VPS13B: variants seen among roughly 807,000 people sequenced by gnomAD.
VPS13B encodes the protein intermembrane lipid transfer protein VPS13B.
In VPS13B, 285 loss-of-function variants were observed where a neutral mutation model predicts 426.4. That is an observed-to-expected ratio of 0.67 (90% CI 0.61 to 0.74). The LOEUF is 0.74. Among genes scored for constraint, VPS13B ranks in the 30% least tolerant of loss-of-function variants. The pLI is 0.00. For missense variants in VPS13B, 4,537 were observed against 4,782.6 expected, an observed-to-expected ratio of 0.95 and a Z score of 1.51; for synonymous variants, 1,676 against 1,676.4, an observed-to-expected ratio of 1.00 and a Z score of 0.01.
intron 14 of VPS13B, among the ~76,000 whole-genome samples, chr8:99,153,683 A>G (rs1427772165): frequency 6.6e-6 from 1 of 152,116 alleles, no homozygotes; most frequent in Non-Finnish European, 1.5e-5. Context: ...ATCATACGTA[A>G]TTACTTATTA....
chr8:99,126,017 A>C (rs192586949), intron 8 of VPS13B, among the ~76,000 whole-genome samples: 236 of 152,130 alleles, frequency 1.6e-3, no homozygotes, highest in African/African-American at 5.3e-3. Context: ...GATATAGGCA[A>C]GAGGGGGAGA....
intron 33 of VPS13B, among the ~76,000 whole-genome samples, chr8:99,631,451 C>T (rs1828843046): frequency 6.6e-6 from 1 of 152,066 alleles, no homozygotes; most frequent in Non-Finnish European, 1.5e-5. Context: ...AAATTGGGTA[C>T]AGTCGTGAGT....
chr8:99,853,605 C>T lies in VPS13B; in HGVS notation c.10216C>T (p.Pro3406Ser), dbSNP rs1290907586. ...TGTGGCCCCGGGAGCTGGTCCCCTC[C>T]CTGGGGAAGAGCCTGTGGCTGCGTT... The part of the protein sequence containing the change: ...LCVAPGAGPL[P>S]GEEPVAALFE... The change falls in exon 56 of 62, where the codon CCT becomes TCT. Residue 3406 changes from proline (P) to serine (S), a missense_variant. Pro to Ser is a moderately conservative substitution (Grantham distance 74). Transcript: ENST00000357162. The T allele has an allele frequency of 6.2e-7, 1 of 1,614,052 alleles. No individual in the cohort carries two copies. Among genetic ancestry groups the T allele is most frequent in the Non-Finnish European group, 8.5e-7 (1 of 1,180,038 alleles).
chr8:99,766,732 G>C (rs1365480361), intron 39 of VPS13B, 42 bp from the exon 40 acceptor site: 1 of 1,523,550 alleles, frequency 6.6e-7, no homozygotes, highest in Non-Finnish European at 9.0e-7. Context: ...TAAAAGCATA[G>C]TTTCTATTTG....
At chr8:99,205,724 CCT>C (rs1275650994) in intron 17 of VPS13B, among the ~76,000 whole-genome samples, 1 of 152,056 alleles carries the variant, frequency 6.6e-6, no homozygotes, top group Non-Finnish European at 1.5e-5. Flanking sequence ...GGTTATATAT[CCT>C]TTTTTACAGA....
At position 99,045,060 on chromosome 8, in the gene VPS13B, C is replaced by T. The variant is rs143527920; in HGVS notation, c.291+6494C>T. On this transcript the variant is annotated intron_variant, in intron 3 of 61. Coordinates refer to ENST00000357162, the MANE Select transcript of VPS13B (RefSeq NM_152564.5). ...TTGTATAATGACTTCTTTTCCACTG[C>T]GTAGATACCCAGTAGTGGGATTGCT... 2.7e-4 allele frequency among the ~76,000 whole-genome samples: 41 copies of T among 152,244 alleles called. 2 individuals carry two copies. In the East Asian group the frequency reaches 6.2e-3, roughly 23 times the overall value.
At chr8:99,732,448 G>C (rs1356877979) in intron 39 of VPS13B, among the ~76,000 whole-genome samples, 1 of 152,176 alleles carries the variant, frequency 6.6e-6, no homozygotes, top group Non-Finnish European at 1.5e-5. Context: ...CCCACACACT[G>C]TCCTGCTGTG....
chr8:99,594,630 C>T (rs1588531273), intron 33 of VPS13B, among the ~76,000 whole-genome samples: 11 of 151,970 alleles, frequency 7.2e-5, no homozygotes, highest in Admixed American at 7.2e-4. Flanking sequence ...GCTCCAATGT[C>T]CTATTTATCA....
chr8:99,562,719 T>G (rs1237077614), intron 31 of VPS13B, among the ~76,000 whole-genome samples: 1 of 152,168 alleles, frequency 6.6e-6, no homozygotes, highest in East Asian at 1.9e-4. Context: ...GTTTATGGTA[T>G]GAGGTAAAGG....
intron 19 of VPS13B, among the ~76,000 whole-genome samples, chr8:99,358,193 T>G (rs2133228356): frequency 6.6e-6 from 1 of 152,320 alleles, no homozygotes; most frequent in South Asian, 2.1e-4. Context: ...CAGCAGTTGG[T>G]TTGGTGCCTT....
chr8:99,087,262 C>T (rs138308374), intron 3 of VPS13B, among the ~76,000 whole-genome samples: 6 of 152,260 alleles, frequency 3.9e-5, no homozygotes, highest in African/African-American at 1.4e-4. Flanking sequence ...CAGCCATGTG[C>T]GGGATTTAAT....
chr8:99,221,414 T>G (rs1815712552), intron 17 of VPS13B, among the ~76,000 whole-genome samples: 1 of 152,152 alleles, frequency 6.6e-6, no homozygotes, highest in African/African-American at 2.4e-5. Flanking sequence ...TAGAAAAGAT[T>G]TAAAAATACC....
chr8:99,452,947 C>A (rs185635687), intron 23 of VPS13B, among the ~76,000 whole-genome samples: 2 of 152,286 alleles, frequency 1.3e-5, no homozygotes, highest in Admixed American at 1.3e-4. Flanking sequence ...CCAGCCAACA[C>A]CTCTGAGCAG....
At chr8:99,311,282 T>G (rs1414866306) in intron 19 of VPS13B, among the ~76,000 whole-genome samples, 2 of 152,250 alleles carry the variant, frequency 1.3e-5, no homozygotes, top group African/African-American at 4.8e-5. Flanking sequence ...TTTTAGATCT[T>G]TCCTGCTTTC....
chr8:99,511,981 A>C (rs1338939495), intron 29 of VPS13B, among the ~76,000 whole-genome samples: 1 of 152,196 alleles, frequency 6.6e-6, no homozygotes, highest in Non-Finnish European at 1.5e-5. Context: ...GTACAGAAAT[A>C]AGATATTAGC....
intron 3 of VPS13B, among the ~76,000 whole-genome samples, chr8:99,095,281 C>T (rs1413244501): frequency 6.6e-6 from 1 of 152,168 alleles, no homozygotes; most frequent in Non-Finnish European, 1.5e-5. Flanking sequence ...ATTGAAAGGT[C>T]TGTGCCTTTA....
At chr8:99,628,016 G>A (rs930076695) in intron 33 of VPS13B, among the ~76,000 whole-genome samples, 1 of 152,204 alleles carries the variant, frequency 6.6e-6, no homozygotes, top group African/African-American at 2.4e-5. Flanking sequence ...GAAACAATGA[G>A]ATCCAGAACC....
intron 39 of VPS13B, among the ~76,000 whole-genome samples, chr8:99,754,775 T>C (rs1399133846): frequency 6.6e-6 from 1 of 152,228 alleles, no homozygotes; most frequent in Non-Finnish European, 1.5e-5. Context: ...TACTTTTACT[T>C]TGTTAATGAC....
At chr8:99,714,033 G>C (rs150719305) in intron 36 of VPS13B, among the ~76,000 whole-genome samples, 1 of 151,750 alleles carries the variant, frequency 6.6e-6, no homozygotes, top group African/African-American at 2.4e-5. Flanking sequence ...CAAGCTGTTC[G>C]GGAGGCTGAG....
Sources: gnomAD v4.1 joint callset for allele counts (sites outside exome capture counted in the v4.1 genomes callset) on GRCh38, gnomAD v4.1.1 for gene constraint, MANE v1.5 for transcripts, NCBI Gene and HGNC (gene_info 2026-07-23, HGNC 2026-07-21) for gene names.